Variants in UGGT2 observed in about 807,000 individuals in gnomAD.
UGGT2 encodes the protein UDP-glucose:glycoprotein glucosyltransferase 2.
A neutral mutation model predicts 192.1 loss-of-function variants in UGGT2; 180 were observed. The ratio of observed to expected loss-of-function variants is 0.94; its 90% CI spans 0.83 to 1.06. The LOEUF (loss-of-function observed/expected upper bound fraction) is 1.06. UGGT2 is among the 50% of genes least tolerant of loss of function. The probability of loss-of-function intolerance (pLI) is 0.00; values close to 1 mark genes in which losing one functional copy is unlikely to be tolerated. For synonymous variants in UGGT2, 580 were observed against 591.0 expected (o/e 0.98, Z 0.27); for missense variants, 1,849 against 1,795.7 (o/e 1.03, Z -0.54).
Position 95,801,741 on chromosome 13 carries a change from C to CGGCA in UGGT2, c.*45_*48dup, listed in dbSNP as rs1336916042. On this transcript the variant is annotated 3_prime_UTR_variant, in exon 39 of 39. Transcript: ENST00000376747. ...AGGGGCTCCAGACTTCCCCAGCAGG[C>CGGCA]GGCAGGTTTCCTGTCATGCTTTCGC... 24 of 1,602,958 alleles carry CGGCA rather than the reference C, an allele frequency of 1.5e-5. No individual in the cohort carries two copies. The highest frequency in any genetic ancestry group is 1.9e-5 in the Non-Finnish European group (22 of 1,174,658).
intron 31 of UGGT2, among the ~76,000 whole-genome samples, chr13:95,861,336 A>G (rs1890147174): frequency 6.6e-6 from 1 of 152,096 alleles, no homozygotes; most frequent in African/African-American, 2.4e-5. Flanking sequence ...AGGCTAAAAT[A>G]TTTTTAAACC....
intron 20 of UGGT2, among the ~76,000 whole-genome samples, chr13:95,911,456 C>A (rs1390631729): frequency 6.6e-6 from 1 of 152,142 alleles, no homozygotes; most frequent in South Asian, 2.1e-4. Flanking sequence ...ACTATAAACA[C>A]CTCTACGCAA....
chr13:95,837,439 A>T (rs1430725182), intron 36 of UGGT2, among the ~76,000 whole-genome samples: 1 of 152,198 alleles, frequency 6.6e-6, no homozygotes, highest in Non-Finnish European at 1.5e-5. Flanking sequence ...CCTGGGAACA[A>T]GGATGAAGAA....
intron 37 of UGGT2, among the ~76,000 whole-genome samples, chr13:95,834,308 G>A (rs570125188): frequency 6.6e-6 from 1 of 152,192 alleles, no homozygotes; most frequent in East Asian, 1.9e-4. Flanking sequence ...GCCCCTCGGG[G>A]AGCTTTGGCA....
intron 33 of UGGT2, 86 bp from the exon 34 acceptor site, chr13:95,856,426 G>A: frequency 7.0e-7 from 1 of 1,422,722 alleles, no homozygotes; most frequent in Non-Finnish European, 9.5e-7. Flanking sequence ...AAAAGGTAAA[G>A]CTTCCTATAA....
At position 95,940,445 on chromosome 13, in the gene UGGT2, TTTTC is replaced by T. The variant is rs1159062518; in HGVS notation, c.1678-358_1678-355del. Among the ~76,000 whole-genome samples the T allele has an allele frequency of 2.3e-3, 345 of 150,220 alleles. 1 individual carries two copies. Among genetic ancestry groups the T allele is most frequent in the African/African-American group, 8.1e-3 (330 of 40,966 alleles). ...ATTTTTTATTGCTTTTCTGTAATTT[TTTTC>T]TTTTTCTTTTTTTTTTTTTTTTTTG... On this transcript the variant is annotated intron_variant, in intron 15 of 38. Coordinates refer to ENST00000376747, the MANE Select transcript of UGGT2 (RefSeq NM_020121.4).
rs768166705 is a variant in UGGT2 at position 95,925,744 on chromosome 13, CAG to C, written c.2229_2230del (p.Trp744AspfsTer6). The C allele has an allele frequency of 6.4e-6, 10 of 1,567,822 alleles. No individual in the cohort carries two copies. In the South Asian group the frequency reaches 1.1e-4, roughly 17 times the overall value. ...AGGCTTATCAAAATCTGCAATAATCCAGAGAGTGACTGCAGAAATTATACTCT... is the reference window on the plus strand; with the variant it reads ...AGGCTTATCAAAATCTGCAATAATCCAGAGTGACTGCAGAAATTATACTCT... On this transcript the variant is annotated frameshift_variant, in exon 20 of 39. Coordinates refer to ENST00000376747, the MANE Select transcript of UGGT2 (RefSeq NM_020121.4). LOFTEE classifies it high-confidence loss of function.
rs745452156 is a variant in UGGT2 at position 95,854,389 on chromosome 13, C to T, written c.4095G>A (p.Arg1365=). ...TCCAGAAACGATATCCATCCATTTC[C>T]CTGCGGCTATCACAAAATGGAGTAT... ...YGYTPFCDSR[R]EMDGYRFWKT... Residue 1365 remains arginine (R), a synonymous_variant, in exon 35 of 39, where the codon AGG becomes AGA. Transcript: ENST00000376747. 1.4e-5 allele frequency: 23 copies of T among 1,613,796 alleles called. No individual in the cohort carries two copies. Among genetic ancestry groups the T allele is most frequent in the Non-Finnish European group, 1.8e-5 (21 of 1,179,872 alleles).
rs535595755 is a variant in UGGT2 at position 96,036,454 on chromosome 13, C to T, written c.159-4483G>A. On this transcript the variant is annotated intron_variant, in intron 1 of 38. Transcript: ENST00000376747. Reference sequence around the variant, plus strand: ...AAGAAGAAAGTTAATGGATGCTGGGCTTCATACCTAGGTGATAGTTTGATC... The same window carrying T: ...AAGAAGAAAGTTAATGGATGCTGGGTTTCATACCTAGGTGATAGTTTGATC... Among the ~76,000 whole-genome samples the T allele has an allele frequency of 5.9e-5, 9 of 152,124 alleles. No individual in the cohort carries two copies. The East Asian group carries it at 1.5e-3, about 26-fold the overall frequency.
At chr13:95,913,396 AAAAC>A (rs1227440703) in intron 20 of UGGT2, among the ~76,000 whole-genome samples, 5 of 152,206 alleles carry the variant, frequency 3.3e-5, no homozygotes, top group East Asian at 1.9e-4. Context: ...TTATAAGAAA[AAAAC>A]AAACAACCCC....
intron 20 of UGGT2, among the ~76,000 whole-genome samples, chr13:95,911,374 T>C (rs908463108): frequency 6.6e-6 from 1 of 151,982 alleles, no homozygotes; most frequent in African/African-American, 2.4e-5. Flanking sequence ...AAGAATCAAA[T>C]AGACACAATA....
Position 95,884,492 on chromosome 13 carries a change from T to A in UGGT2, c.3227A>T (p.Asp1076Val). 2 of 1,608,098 alleles carry A rather than the reference T, an allele frequency of 1.2e-6. No homozygotes were observed. Among genetic ancestry groups the A allele is most frequent in the Non-Finnish European group, 1.7e-6 (2 of 1,177,332 alleles). Residue 1076 changes from aspartate (D) to valine (V), a missense_variant and splice_region_variant, in exon 27 of 39, where the codon GAT (aspartate) becomes GTT (valine). Physicochemically the swap from Asp to Val is radical, Grantham distance 152. Coordinates refer to ENST00000376747, the MANE Select transcript of UGGT2 (RefSeq NM_020121.4). ...ATATGACTATACACAATAACTTACA[T>A]CCTTTAAGTGAATATTATCAAGGTC... ...NCDLDNIHLKDTEKTVTAEYE... is the reference protein window; with the variant it reads ...NCDLDNIHLKVTEKTVTAEYE...
chr13:95,940,571 C>T (rs1251743781), intron 15 of UGGT2, among the ~76,000 whole-genome samples: 1 of 151,228 alleles, frequency 6.6e-6, no homozygotes, highest in Non-Finnish European at 1.5e-5. Flanking sequence ...TCCCACCTAG[C>T]CCCCTGGGTA....
chr13:95,832,424 A>C (rs1364860983), intron 38 of UGGT2, among the ~76,000 whole-genome samples: 1 of 152,156 alleles, frequency 6.6e-6, no homozygotes, highest in Non-Finnish European at 1.5e-5. Flanking sequence ...TTTTTTCATA[A>C]AAGGAATTGA....
chr13:95,925,366 C>T (rs1045995904), intron 20 of UGGT2, among the ~76,000 whole-genome samples: 7 of 152,110 alleles, frequency 4.6e-5, no homozygotes, highest in Admixed American at 2.0e-4. Flanking sequence ...TAGTGGATTT[C>T]GGGTCACTGA....
At position 96,022,398 on chromosome 13, in the gene UGGT2, A is replaced by T. The variant is rs138108889; in HGVS notation, c.485+642T>A. On this transcript the variant is annotated intron_variant, in intron 4 of 38. Transcript: ENST00000376747. ...GAAAATTTGGCTACATAAAAATAAAAGTCTTTTGTATATGAAATTCAATAC... is the reference window on the plus strand; with the variant it reads ...GAAAATTTGGCTACATAAAAATAAATGTCTTTTGTATATGAAATTCAATAC... Among the ~76,000 whole-genome samples, 471 of 152,114 alleles carry T rather than the reference A, an allele frequency of 3.1e-3. 2 individuals are homozygous for T. Among genetic ancestry groups the T allele is most frequent in the African/African-American group, 0.011 (450 of 41,554 alleles).
At chr13:95,934,658 C>G (rs1223725634) in intron 17 of UGGT2, among the ~76,000 whole-genome samples, 1 of 152,140 alleles carries the variant, frequency 6.6e-6, no homozygotes, top group East Asian at 1.9e-4. Context: ...ACTACAGGCA[C>G]CCACCATGAC....
intron 20 of UGGT2, among the ~76,000 whole-genome samples, chr13:95,911,707 AAG>A (rs144469786): frequency 0.078 from 11,831 of 152,214 alleles, 882 homozygotes; most frequent in African/African-American, 0.19. Context: ...TCAATAGAAA[AAG>A]AGAGAATCCT....
Position 95,895,268 on chromosome 13 carries a change from C to T in UGGT2, c.2671G>A (p.Asp891Asn), listed in dbSNP as rs748126348. 45 of 1,539,978 alleles carry T rather than the reference C, an allele frequency of 2.9e-5. No homozygotes were observed. The highest frequency in any genetic ancestry group is 8.8e-6 in the Non-Finnish European group (10 of 1,135,242). Residue 891 changes from aspartate (D) to asparagine (N), a missense_variant, in exon 23 of 39, where the codon GAT becomes AAT. By Grantham distance (23) the Asp-to-Asn change is conservative. Coordinates refer to ENST00000376747, the MANE Select transcript of UGGT2 (RefSeq NM_020121.4). Reference protein sequence around the residue: ...GPLDEDFYAEDFYLLEKITFS... With the variant: ...GPLDEDFYAENFYLLEKITFS... ...GTTATCTTTTCCAACAAGTAAAAAT[C>T]TTCTGCATAAAAATCTTCATCTAAA... is the stretch of plus-strand genomic sequence containing the variant.
Sources: allele counts gnomAD v4.1 joint callset (sites outside exome capture counted in the v4.1 genomes callset), GRCh38; gene constraint gnomAD v4.1.1; transcripts MANE v1.5; gene names NCBI Gene and HGNC (gene_info 2026-07-23, HGNC 2026-07-21).